AK9: variants seen among roughly 807,000 people sequenced by gnomAD.
The protein encoded by AK9 is adenylate kinase 9.
In AK9, 191 loss-of-function variants were observed where a neutral mutation model predicts 239.6. That is an observed-to-expected ratio of 0.80 (90% CI 0.71 to 0.90). The LOEUF (loss-of-function observed/expected upper bound fraction) is 0.90, where lower values mean the gene tolerates loss of function less well. AK9 is among the 40% of genes least tolerant of loss of function. The pLI is 0.00. For synonymous variants in AK9, 689 were observed against 721.0 expected, an observed-to-expected ratio of 0.96 and a Z score of 0.71; for missense variants, 1,995 against 2,214.7, an observed-to-expected ratio of 0.90 and a Z score of 1.99.
chr6:109,656,534 T>C (rs939711216), intron 8 of AK9, among the ~76,000 whole-genome samples: 2 of 152,200 alleles, frequency 1.3e-5, no homozygotes, highest in Non-Finnish European at 2.9e-5. Flanking sequence ...ATGCAGTTCA[T>C]TTGTCACTTT....
intron 7 of AK9, among the ~76,000 whole-genome samples, chr6:109,658,382 A>G (rs1375714195): frequency 6.6e-6 from 1 of 152,184 alleles, no homozygotes; most frequent in African/African-American, 2.4e-5. Context: ...GTTTTCATTC[A>G]GTGGGGCAGA....
intron 1 of AK9, among the ~76,000 whole-genome samples, chr6:109,685,595 G>A (rs1426431521): frequency 6.6e-6 from 1 of 152,102 alleles, no homozygotes; most frequent in African/African-American, 2.4e-5. Flanking sequence ...GGGGGCTATG[G>A]GAGGGATAAC....
At chr6:109,513,025 AGCT>A (rs1778914467) in intron 32 of AK9, among the ~76,000 whole-genome samples, 1 of 152,042 alleles carries the variant, frequency 6.6e-6, no homozygotes, top group Non-Finnish European at 1.5e-5. Context: ...CACCATTCCC[AGCT>A]AATGTTTTAA....
intron 20 of AK9, among the ~76,000 whole-genome samples, chr6:109,576,514 A>C (rs749122203): frequency 1.4e-5 from 2 of 146,922 alleles, no homozygotes; most frequent in Non-Finnish European, 3.0e-5. Context: ...AGTGCTACTA[A>C]TTTGTGTACA....
At chr6:109,644,029 A>G (rs1797753162) in intron 9 of AK9, among the ~76,000 whole-genome samples, 1 of 152,128 alleles carries the variant, frequency 6.6e-6, no homozygotes, top group Admixed American at 6.5e-5. Context: ...TGCTCTCTAG[A>G]GATTTATTTT....
chr6:109,560,115 T>C (rs954605787), intron 24 of AK9, among the ~76,000 whole-genome samples: 1 of 152,254 alleles, frequency 6.6e-6, no homozygotes, highest in Non-Finnish European at 1.5e-5. Context: ...AAAATCCTTT[T>C]TGCCATATAA....
chr6:109,606,177 C>A (rs1792851077), intron 17 of AK9, among the ~76,000 whole-genome samples: 1 of 152,066 alleles, frequency 6.6e-6, no homozygotes, highest in Non-Finnish European at 1.5e-5. Flanking sequence ...TTTACTTTTT[C>A]TGCATTTAAA....
rs2128116167 is a variant in AK9, at chr6:109,516,023, C to T, written c.3899G>A (p.Arg1300Lys). The T allele has an allele frequency of 6.4e-7, 1 of 1,551,246 alleles. No individual in the cohort carries two copies. The highest frequency in any genetic ancestry group is 8.7e-7 in the Non-Finnish European group (1 of 1,146,682). ...IPIISINGAR[R>K]NHIVQYTLNM... ...CAATGTATATTGTACAATGTGATTT[C>T]TCCGAGCTCCATTAATGGAAATTAT... The change falls in exon 31 of 41, where the codon AGA becomes AAA. Residue 1300 changes from arginine (R) to lysine (K), a missense_variant. This residue lies in a region of AK9 where 1,290 missense variants were observed against 1,392.7 expected (regional missense o/e 0.93). Coordinates refer to ENST00000424296, the MANE Select transcript of AK9 (RefSeq NM_001145128.3).
chr6:109,675,929 G>A (rs534962707), intron 1 of AK9, among the ~76,000 whole-genome samples, 173 bp from the exon 2 acceptor site: 6 of 152,136 alleles, frequency 3.9e-5, no homozygotes, highest in Admixed American at 2.6e-4. Context: ...AAAAACAATA[G>A]TAAGCTCTTA....
At chr6:109,581,492 TAGA>T (rs1187779018) in intron 19 of AK9, among the ~76,000 whole-genome samples, 1 of 152,154 alleles carries the variant, frequency 6.6e-6, no homozygotes, top group African/African-American at 2.4e-5. Flanking sequence ...GTGGTCTGAT[TAGA>T]AGATCAAACC....
chr6:109,550,020 G>A, intron 25 of AK9, 70 bp downstream of exon 25: 1 of 1,439,310 alleles, frequency 6.9e-7, no homozygotes, highest in Admixed American at 1.9e-5. Flanking sequence ...TAAGTAAATT[G>A]ATGGTGATTG....
intron 8 of AK9, among the ~76,000 whole-genome samples, chr6:109,649,007 C>A (rs370567430): frequency 6.6e-6 from 1 of 152,060 alleles, no homozygotes; most frequent in African/African-American, 2.4e-5. Flanking sequence ...ATTATCTCAA[C>A]AGATGCAGAA....
rs776274961 is a variant in AK9 at position 109,632,964 on chromosome 6, T to C, written c.1213A>G (p.Thr405Ala). 6.2e-7 allele frequency: 1 copy of C among 1,613,410 alleles called. No individual in the cohort carries two copies. Among genetic ancestry groups the C allele is most frequent in the Admixed American group, 1.7e-5 (1 of 59,852 alleles). The part of the protein sequence containing the change: ...FILGPQYSGK[T>A]TLCNMLAENY... Reference sequence around the variant, plus strand: ...TCTGCAAGCATATTGCAAAGTGTTGTTTTCCCTGAATATTGAGGTCCAAGT... The same window carrying C: ...TCTGCAAGCATATTGCAAAGTGTTGCTTTCCCTGAATATTGAGGTCCAAGT... Residue 405 changes from threonine to alanine, a missense_variant, in exon 12 of 41, where the codon ACA becomes GCA. This residue lies in a region of AK9 where 1,290 missense variants were observed against 1,392.7 expected (regional missense o/e 0.93). Transcript: ENST00000424296.
chr6:109,517,256 G>A (rs1779373162), intron 29 of AK9, among the ~76,000 whole-genome samples: 1 of 152,164 alleles, frequency 6.6e-6, no homozygotes, highest in South Asian at 2.1e-4. Flanking sequence ...GTCTTTCCAA[G>A]TTGGGGAGGC....
intron 24 of AK9, among the ~76,000 whole-genome samples, chr6:109,561,617 A>AT (rs200926339): frequency 7.3e-5 from 11 of 150,518 alleles, no homozygotes; most frequent in African/African-American, 2.4e-4. Context: ...CCAGGCTGAC[A>AT]TTTTTTTTTC....
At chr6:109,521,374 A>T (rs562914105) in intron 29 of AK9, among the ~76,000 whole-genome samples, 1 of 152,058 alleles carries the variant, frequency 6.6e-6, no homozygotes, top group African/African-American at 2.4e-5. Flanking sequence ...TTATTTTGTA[A>T]TCGAGTGCTT....
At chr6:109,509,149 C>T in intron 33 of AK9, 30 bp downstream of exon 33, 2 of 1,541,618 alleles carry the variant, frequency 1.3e-6, no homozygotes, top group Non-Finnish European at 1.8e-6. Context: ...TTAACTCCCT[C>T]TGTCCCATCC....
intron 1 of AK9, among the ~76,000 whole-genome samples, chr6:109,679,332 G>A (rs1451721307): frequency 1.7e-5 from 2 of 115,992 alleles, no homozygotes; most frequent in African/African-American, 4.0e-5. Context: ...TGTAAACAAA[G>A]CCTTGGGGAA....
intron 10 of AK9, 132 bp downstream of exon 10, chr6:109,641,386 C>A: frequency 4.9e-5 from 20 of 408,432 alleles, no homozygotes; most frequent in Non-Finnish European, 6.6e-5. Flanking sequence ...TGGGTTCTGA[C>A]TAGGTCATCC....
Sources: allele counts gnomAD v4.1 joint callset (sites outside exome capture counted in the v4.1 genomes callset), GRCh38; gene constraint gnomAD v4.1.1; regional missense constraint gnomAD v4.1.1; transcripts MANE v1.5; gene names NCBI Gene and HGNC (gene_info 2026-07-23, HGNC 2026-07-21).